Variants in MEGF10 observed in about 807,000 individuals in gnomAD.
The protein encoded by MEGF10 is multiple EGF like domains 10.
MEGF10 carries 86 observed loss-of-function variants against 147.5 expected under a neutral mutation model. The observed-to-expected ratio is 0.58, with a 90% confidence interval of 0.49 to 0.70. MEGF10 has a LOEUF of 0.70. Ranked by LOEUF, MEGF10 falls within the 30% of genes least tolerant of loss-of-function variation. The pLI is 0.00. For synonymous variants in MEGF10, 478 were observed against 525.5 expected (o/e 0.91, Z 1.24); for missense variants, 1,329 against 1,487.3 (o/e 0.89, Z 1.75).
At chr5:127,286,703 T>C (rs906353767), upstream of MEGF10, among the ~76,000 whole-genome samples, 4 of 151,490 alleles carry the variant, frequency 2.6e-5, no homozygotes, top group African/African-American at 9.7e-5. Flanking sequence ...CTAATGTATA[T>C]AGAAGGAAGG....
At chr5:127,263,309 G>T in the MEGF10 span, among the ~76,000 whole-genome samples, 2 of 144,060 alleles carry the variant, frequency 1.4e-5, no homozygotes, top group Non-Finnish European at 3.0e-5. Context: ...GGGATTCTCG[G>T]GGGGGGGGTA....
At chr5:127,232,361 G>C in the MEGF10 span, among the ~76,000 whole-genome samples, 2 of 152,118 alleles carry the variant, frequency 1.3e-5, no homozygotes, top group African/African-American at 4.8e-5. Flanking sequence ...TAGCTGAATG[G>C]AGCTTTAAAG....
chr5:127,361,984 A>G (rs1244632688), intron 4 of MEGF10, among the ~76,000 whole-genome samples: 1 of 152,144 alleles, frequency 6.6e-6, no homozygotes, highest in African/African-American at 2.4e-5. Context: ...TGAAAAGCAA[A>G]TATATTCTGC....
chr5:127,445,362 G>T, intron 19 of MEGF10, 95 bp from the exon 20 acceptor site: 1 of 832,372 alleles, frequency 1.2e-6, no homozygotes, highest in Non-Finnish European at 2.0e-6. Flanking sequence ...CTGAAAATAT[G>T]CAGGCATTAG....
intron 16 of MEGF10, 79 bp from the exon 17 acceptor site, chr5:127,438,360 G>A (rs1197981305): frequency 5.4e-6 from 8 of 1,468,686 alleles, no homozygotes; most frequent in South Asian, 1.2e-5. Context: ...GCAGGGAGAT[G>A]TGTAGAGGTG....
At chr5:127,362,728 A>C (rs559340266) in intron 4 of MEGF10, among the ~76,000 whole-genome samples, 1 of 152,240 alleles carries the variant, frequency 6.6e-6, no homozygotes, top group East Asian at 1.9e-4. Flanking sequence ...TAGGTCTTAC[A>C]TTTTTAATCC....
intron 4 of MEGF10, among the ~76,000 whole-genome samples, chr5:127,359,522 T>C (rs1488486212): frequency 6.6e-6 from 1 of 152,130 alleles, no homozygotes; most frequent in African/African-American, 2.4e-5. Context: ...CATACCCTTT[T>C]GTAATTTCTC....
chr5:127,401,707 G>T (rs993058186), intron 7 of MEGF10, among the ~76,000 whole-genome samples: 1 of 152,146 alleles, frequency 6.6e-6, no homozygotes, highest in African/African-American at 2.4e-5. Context: ...GAAGCTATGA[G>T]CCCAAGTGAT....
intron 22 of MEGF10, among the ~76,000 whole-genome samples, chr5:127,453,778 G>A (rs949332159): frequency 2.0e-5 from 3 of 152,148 alleles, no homozygotes; most frequent in Admixed American, 2.0e-4. Flanking sequence ...AATGGGCTAG[G>A]TAATGTCGTC....
intron 13 of MEGF10, among the ~76,000 whole-genome samples, chr5:127,428,141 A>ATTTTTTTTTTTTTTTTTT (rs66935934): frequency 2.9e-5 from 3 of 103,572 alleles, no homozygotes; most frequent in African/African-American, 3.7e-5. Flanking sequence ...GGTGTCTGGT[A>ATTTTTTTTTTTTTTTTTT]TTTTTTTTTT....
intron 5 of MEGF10, among the ~76,000 whole-genome samples, chr5:127,379,622 C>T (rs1250795191): frequency 7.2e-5 from 8 of 110,692 alleles, no homozygotes; most frequent in Admixed American, 3.6e-4. Context: ...TTTTTTGAGA[C>T]GGAGTCTCAC....
chr5:127,379,806 G>A (rs1453781177), intron 5 of MEGF10, among the ~76,000 whole-genome samples: 3 of 151,744 alleles, frequency 2.0e-5, no homozygotes, highest in Non-Finnish European at 4.4e-5. Flanking sequence ...CACCATGTTG[G>A]CCAGGCTGGT....
chr5:127,378,669 T>C (rs891049220), intron 5 of MEGF10, among the ~76,000 whole-genome samples: 7 of 151,992 alleles, frequency 4.6e-5, no homozygotes, highest in African/African-American at 1.7e-4. Flanking sequence ...CCCATGCAGG[T>C]CCCTACTCTG....
intron 19 of MEGF10, among the ~76,000 whole-genome samples, chr5:127,443,988 T>C (rs1765847822): frequency 6.6e-6 from 1 of 152,268 alleles, no homozygotes; most frequent in Admixed American, 6.5e-5. Context: ...AGTAGACATA[T>C]GTTTAACTTT....
intron 5 of MEGF10, among the ~76,000 whole-genome samples, chr5:127,386,144 C>T (rs570120827): frequency 6.6e-6 from 1 of 152,266 alleles, no homozygotes; most frequent in Non-Finnish European, 1.5e-5. Context: ...TAAAAAACAC[C>T]TGACCTGCTC....
chr5:127,260,490 G>A, the MEGF10 span, among the ~76,000 whole-genome samples: 191 of 152,246 alleles, frequency 1.3e-3, no homozygotes, highest in Non-Finnish European at 2.0e-3. Context: ...TAACTAGGTC[G>A]CATGCTCATT....
chr5:127,347,981 T>TG (rs1160280896), intron 4 of MEGF10, among the ~76,000 whole-genome samples: 1 of 152,142 alleles, frequency 6.6e-6, no homozygotes, highest in Admixed American at 6.6e-5. Flanking sequence ...GCATGTACAG[T>TG]ATTAACTAAC....
chr5:127,323,339 T>A (rs1760867407), intron 1 of MEGF10, among the ~76,000 whole-genome samples: 1 of 152,206 alleles, frequency 6.6e-6, no homozygotes, highest in Admixed American at 6.5e-5. Flanking sequence ...TAGATGACTA[T>A]GCCTAAATGG....
At chr5:127,336,299 A>G (rs756651817) in intron 2 of MEGF10, among the ~76,000 whole-genome samples, 2 of 151,898 alleles carry the variant, frequency 1.3e-5, no homozygotes, top group Admixed American at 6.6e-5. Flanking sequence ...CAAGCTATAT[A>G]TATTTCTCCA....
Sources: gnomAD v4.1 joint callset for allele counts (sites outside exome capture counted in the v4.1 genomes callset) on GRCh38, gnomAD v4.1.1 for gene constraint, MANE v1.5 for transcripts, NCBI Gene and HGNC (gene_info 2026-07-23, HGNC 2026-07-21) for gene names.